Variants in TRPM1 observed in about 807,000 individuals in gnomAD.
TRPM1 encodes TRPM1-203 APA Isoform, Intron 10.
TRPM1 carries 113 observed loss-of-function variants against 149.4 expected under a neutral mutation model. That is an observed-to-expected ratio of 0.76 (90% CI 0.65 to 0.88). The LOEUF (loss-of-function observed/expected upper bound fraction) is 0.88. TRPM1 is among the 40% of genes least tolerant of loss of function. TRPM1 has a pLI of 0.00. For synonymous variants in TRPM1, 741 were observed against 759.5 expected, an observed-to-expected ratio of 0.98 and a Z score of 0.40; for missense variants, 1,976 against 2,038.7, an observed-to-expected ratio of 0.97 and a Z score of 0.59.
intron 1 of TRPM1, among the ~76,000 whole-genome samples, chr15:31,097,226 A>T (rs1339681119): frequency 7.6e-6 from 1 of 131,222 alleles, no homozygotes; most frequent in East Asian, 2.7e-4. Context: ...GGTAGCTGTC[A>T]CCCACCCACC....
chr15:31,108,359 A>G (rs185683018), intron 1 of TRPM1, among the ~76,000 whole-genome samples: 3 of 152,214 alleles, frequency 2.0e-5, no homozygotes, highest in Non-Finnish European at 4.4e-5. Context: ...GACGTCTGTT[A>G]GGTCAATGTA....
intron 8 of TRPM1, 45 bp from the exon 9 acceptor site, chr15:31,062,747 C>T: frequency 1.9e-6 from 3 of 1,604,598 alleles, no homozygotes; most frequent in South Asian, 2.2e-5. Flanking sequence ...CAAGTTAAAT[C>T]TATATATGAA....
intron 10 of TRPM1, among the ~76,000 whole-genome samples, 162 bp from the exon 11 acceptor site, chr15:31,060,806 G>C (rs544538650): frequency 6.6e-5 from 10 of 152,236 alleles, no homozygotes; most frequent in African/African-American, 2.2e-4. Flanking sequence ...GCTCCGAGCT[G>C]AAAGAGCTTC....
intron 11 of TRPM1, among the ~76,000 whole-genome samples, chr15:31,059,319 T>C (rs1262539244): frequency 6.6e-6 from 1 of 152,158 alleles, no homozygotes; most frequent in Admixed American, 6.5e-5. Context: ...TTAAATGCTT[T>C]GGGAGACCTA....
rs757505678 is a variant in TRPM1, at chr15:31,027,046, G to C, written c.3365C>G (p.Thr1122Arg). ...GGGCAGGACTGGCCTGTCATGAAATGTCATAATCAGCTGATATCGCTGGAA... is the reference window on the plus strand; with the variant it reads ...GGGCAGGACTGGCCTGTCATGAAATCTCATAATCAGCTGATATCGCTGGAA... ...WKFQRYQLIM[T>R]FHDRPVLPPP... Residue 1122 changes from threonine to arginine, a missense_variant, in exon 26 of 28, where the codon ACA (threonine) becomes AGA (arginine). By Grantham distance (71) the Thr-to-Arg change is moderately conservative (BLOSUM62 -1). Coordinates refer to ENST00000256552, the MANE Select transcript of TRPM1 (RefSeq NM_001252024.2). The C allele has an allele frequency of 2.5e-6, 4 of 1,614,078 alleles. No individual in the cohort carries two copies. Among genetic ancestry groups the C allele is most frequent in the Non-Finnish European group, 2.5e-6 (3 of 1,180,042 alleles).
intron 27 of TRPM1, among the ~76,000 whole-genome samples, chr15:31,025,873 T>C (rs953308986): frequency 2.0e-5 from 3 of 152,180 alleles, no homozygotes; most frequent in Admixed American, 2.0e-4. Context: ...CACCCCCACT[T>C]TGGGGTAGGG....
At chr15:31,012,184 C>T (rs2032209498) in intron 27 of TRPM1, among the ~76,000 whole-genome samples, 1 of 152,048 alleles carries the variant, frequency 6.6e-6, no homozygotes, top group Non-Finnish European at 1.5e-5. Flanking sequence ...TTTATATTTA[C>T]CTATGTAGTT....
chr15:31,151,814 A>G lies in TRPM1; in HGVS notation c.54+9092T>C, dbSNP rs538957686. Among the ~76,000 whole-genome samples, 3 of 152,290 alleles carry G rather than the reference A, an allele frequency of 2.0e-5. No homozygotes were observed. The South Asian group carries it at 6.2e-4, about 32-fold the overall frequency. On this transcript the variant is annotated intron_variant, in intron 1 of 26. Coordinates refer to the TRPM1 transcript ENST00000542188. ...CCAGGGATCAATGTCCATTTGGCAA[A>G]TGACCCTGGTCCTGGCCCATTCCCT...
At chr15:31,041,364 A>G (rs1460090656) in intron 17 of TRPM1, among the ~76,000 whole-genome samples, 2 of 152,176 alleles carry the variant, frequency 1.3e-5, no homozygotes, top group East Asian at 3.9e-4. Flanking sequence ...GTTAGCCAGG[A>G]TGGTCTCGAT....
intron 1 of TRPM1, among the ~76,000 whole-genome samples, chr15:31,099,938 G>A (rs11070810): frequency 1.8e-4 from 27 of 151,902 alleles, no homozygotes; most frequent in Admixed American, 1.4e-3. Flanking sequence ...GCAGGGCTCC[G>A]TTCTTAATTC....
intron 1 of TRPM1, among the ~76,000 whole-genome samples, chr15:31,126,268 A>T (rs964412190): frequency 2.0e-5 from 3 of 152,246 alleles, no homozygotes; most frequent in Non-Finnish European, 4.4e-5. Context: ...ACAGATAACA[A>T]ATTCAAGAAG....
chr15:31,041,651 G>A (rs2033621510), intron 17 of TRPM1, among the ~76,000 whole-genome samples: 1 of 152,136 alleles, frequency 6.6e-6, no homozygotes, highest in South Asian at 2.1e-4. Flanking sequence ...TTGTTAGTGT[G>A]TGTTTCCCTA....
At chr15:31,125,201 C>CA (rs1256617976) in intron 1 of TRPM1, among the ~76,000 whole-genome samples, 2 of 144,824 alleles carry the variant, frequency 1.4e-5, no homozygotes, top group Non-Finnish European at 3.1e-5. Flanking sequence ...AAACAAAAAA[C>CA]AAAAAAACTC....
chr15:31,103,489 C>T (rs1014214805), upstream of TRPM1, among the ~76,000 whole-genome samples: 1 of 152,076 alleles, frequency 6.6e-6, no homozygotes, highest in Non-Finnish European at 1.5e-5. Context: ...TAATTTTTTT[C>T]ACCTGCTTCT....
At chr15:31,159,265 T>C (rs143632402) in intron 1 of TRPM1, among the ~76,000 whole-genome samples, 1 of 152,132 alleles carries the variant, frequency 6.6e-6, no homozygotes, top group Non-Finnish European at 1.5e-5. Context: ...ACCCTACCCA[T>C]TGCAATTTCA....
chr15:31,113,758 T>C (rs1482452110), intron 1 of TRPM1, among the ~76,000 whole-genome samples: 8 of 152,172 alleles, frequency 5.3e-5, no homozygotes, highest in Non-Finnish European at 1.0e-4. Flanking sequence ...ATGCGGACCT[T>C]CCCGGTGAGT....
intron 18 of TRPM1, 140 bp from the exon 19 acceptor site, chr15:31,038,306 G>T (rs2033494477): frequency 2.1e-6 from 2 of 967,106 alleles, no homozygotes; most frequent in Non-Finnish European, 3.1e-6. Context: ...CTGACGTTCT[G>T]TGACATGTGC....
Position 31,067,087 on chromosome 15 carries a change from A to G in TRPM1, c.594T>C (p.Asn198=). 6.2e-7 allele frequency: 1 copy of G among 1,614,162 alleles called. No homozygotes were observed. The highest frequency in any genetic ancestry group is 8.5e-7 in the Non-Finnish European group (1 of 1,180,026). ...CATCCTTTCCAACCAGGTCTTCCTT[A>G]TTCTCCACGATGCCCCATGGAGCAA... ...IGIAPWGIVE[N]KEDLVGKDVT... Residue 198 remains asparagine (N), a synonymous_variant, in exon 6 of 28, where the codon AAT becomes AAC. Coordinates refer to ENST00000256552, the MANE Select transcript of TRPM1 (RefSeq NM_001252024.2).
intron 1 of TRPM1, among the ~76,000 whole-genome samples, chr15:31,134,875 T>A (rs1242343017): frequency 6.6e-6 from 1 of 152,152 alleles, no homozygotes; most frequent in Non-Finnish European, 1.5e-5. Flanking sequence ...TGGTGGCCCA[T>A]GCCTGTAATC....
Sources: gnomAD v4.1 joint callset for allele counts (sites outside exome capture counted in the v4.1 genomes callset) on GRCh38, gnomAD v4.1.1 for gene constraint, MANE v1.5 for transcripts, NCBI Gene and HGNC (gene_info 2026-07-23, HGNC 2026-07-21) for gene names.